Variants in PCSK5 observed in about 807,000 individuals in gnomAD.
PCSK5 encodes prohormone convertase 5.
Under a neutral mutation model 233.2 loss-of-function variants are expected in PCSK5, and 129 were observed. The ratio of observed to expected loss-of-function variants is 0.55; its 90% CI spans 0.48 to 0.64. The LOEUF (loss-of-function observed/expected upper bound fraction) is 0.64, where lower values mean the gene tolerates loss of function less well. Ranked by LOEUF, PCSK5 falls within the 30% of genes least tolerant of loss-of-function variation. PCSK5 has a pLI of 0.00. For missense variants in PCSK5, 2,076 were observed against 2,430.1 expected (o/e 0.85, Z 3.06); for synonymous variants, 825 against 879.2 (o/e 0.94, Z 1.09).
At position 76,214,687 on chromosome 9, in the gene PCSK5, T is replaced by G. The variant is rs568976662; in HGVS notation, c.2627-12816T>G. On this transcript the variant is annotated intron_variant, in intron 20 of 37. Transcript: ENST00000674117. Reference sequence around the variant, plus strand: ...AGTATTTGTGGAGCACTCCGAACAATTCCTAGCATATGGTAATCATGAAAT... The same window carrying G: ...AGTATTTGTGGAGCACTCCGAACAAGTCCTAGCATATGGTAATCATGAAAT... Among the ~76,000 whole-genome samples, 257 of 152,326 alleles carry G rather than the reference T, an allele frequency of 1.7e-3. 2 individuals carry two copies. The highest frequency in any genetic ancestry group is 5.8e-3 in the African/African-American group (241 of 41,580).
At chr9:76,148,468 T>G (rs2131791571) in intron 10 of PCSK5, among the ~76,000 whole-genome samples, 1 of 152,026 alleles carries the variant, frequency 6.6e-6, no homozygotes, top group African/African-American at 2.4e-5. Context: ...TCACCAAAGA[T>G]TTTCAATTCT....
At chr9:76,212,527 G>A (rs1825370522) in intron 20 of PCSK5, among the ~76,000 whole-genome samples, 1 of 152,168 alleles carries the variant, frequency 6.6e-6, no homozygotes, top group African/African-American at 2.4e-5. Context: ...ACAGTGCTAC[G>A]CCAGGAGTTG....
At chr9:75,989,539 A>G (rs1258439157) in intron 3 of PCSK5, among the ~76,000 whole-genome samples, 2 of 152,114 alleles carry the variant, frequency 1.3e-5, no homozygotes, top group Non-Finnish European at 1.5e-5. Flanking sequence ...AGGGTCAGGA[A>G]TTCAGACGGG....
intron 1 of PCSK5, among the ~76,000 whole-genome samples, chr9:75,901,267 T>C (rs1412328183): frequency 6.6e-6 from 1 of 152,144 alleles, no homozygotes; most frequent in Non-Finnish European, 1.5e-5. Context: ...GTGGCACATA[T>C]ACACCATGGA....
intron 20 of PCSK5, among the ~76,000 whole-genome samples, chr9:76,197,281 A>G (rs1824741772): frequency 6.6e-6 from 1 of 152,186 alleles, no homozygotes; most frequent in Non-Finnish European, 1.5e-5. Context: ...CCCCACATCC[A>G]TGGGAGACTG....
intron 5 of PCSK5, among the ~76,000 whole-genome samples, chr9:76,031,130 G>A (rs1828637618): frequency 6.6e-6 from 1 of 152,168 alleles, no homozygotes; most frequent in Admixed American, 6.5e-5. Flanking sequence ...CCAAGAGCAT[G>A]TAGTCAGGCA....
chr9:76,007,841 TA>T (rs1426387814), intron 3 of PCSK5, among the ~76,000 whole-genome samples: 1 of 150,460 alleles, frequency 6.6e-6, no homozygotes, highest in Non-Finnish European at 1.5e-5. Flanking sequence ...TGTGTGTGTG[TA>T]TTTTTTGTAG....
At chr9:76,205,163 T>C (rs1317792461) in intron 20 of PCSK5, 3 of 518,872 alleles carry the variant, frequency 5.8e-6, no homozygotes, top group Non-Finnish European at 1.2e-5. Flanking sequence ...CCAAAATATA[T>C]AAACCTCAGT....
intron 30 of PCSK5, among the ~76,000 whole-genome samples, chr9:76,320,080 G>A (rs972768382): frequency 2.6e-5 from 4 of 151,928 alleles, no homozygotes; most frequent in East Asian, 1.9e-4. Context: ...GGCCACTACC[G>A]GTTTCCGCAT....
chr9:76,170,171 A>G (rs1823271008), intron 13 of PCSK5, among the ~76,000 whole-genome samples: 1 of 152,172 alleles, frequency 6.6e-6, no homozygotes, highest in Admixed American at 6.5e-5. Context: ...CACTGAGTTC[A>G]ATTGCATGAT....
intron 7 of PCSK5, among the ~76,000 whole-genome samples, chr9:76,091,491 G>T (rs1160371799): frequency 6.6e-6 from 1 of 152,140 alleles, no homozygotes; most frequent in African/African-American, 2.4e-5. Flanking sequence ...TAGGGCTTTA[G>T]CATAGGGGAA....
intron 24 of PCSK5, among the ~76,000 whole-genome samples, chr9:76,260,630 G>A (rs553591470): frequency 4.6e-4 from 70 of 152,250 alleles, no homozygotes; most frequent in African/African-American, 1.1e-3. Context: ...GCAAAGAACC[G>A]AATTCTGTCA....
intron 2 of PCSK5, among the ~76,000 whole-genome samples, chr9:75,946,258 T>C (rs922545098): frequency 7.9e-5 from 12 of 152,256 alleles, no homozygotes; most frequent in Non-Finnish European, 1.3e-4. Context: ...ATTTTAAGTA[T>C]AGACATTAGA....
In PCSK5 at chr9:75,923,152, G is replaced by A. The variant is rs552101272; in HGVS notation, c.193-9227G>A. On this transcript the variant is annotated intron_variant, in intron 1 of 37. Transcript: ENST00000674117. ...AAAAAGCATAGATTTTTGGAATCAG[G>A]CTGACCTGGTTTCAAATCCTGGCTT... 3.3e-5 allele frequency among the ~76,000 whole-genome samples: 5 copies of A among 152,264 alleles called. No individual in the cohort carries two copies. The East Asian group carries it at 9.7e-4, about 29-fold the overall frequency.
chr9:76,039,156 A>T (rs773940174), intron 5 of PCSK5, among the ~76,000 whole-genome samples: 1 of 152,198 alleles, frequency 6.6e-6, no homozygotes, highest in Non-Finnish European at 1.5e-5. Context: ...ACATCAGTTC[A>T]TTCCACTTAT....
intron 9 of PCSK5, among the ~76,000 whole-genome samples, chr9:76,130,155 A>C (rs1482110997): frequency 6.6e-6 from 1 of 152,144 alleles, no homozygotes; most frequent in Non-Finnish European, 1.5e-5. Flanking sequence ...TTACCTTTGA[A>C]AGAATGGGTA....
At chr9:76,276,118 T>C (rs768549844) in intron 24 of PCSK5, among the ~76,000 whole-genome samples, 3 of 152,216 alleles carry the variant, frequency 2.0e-5, no homozygotes, top group Non-Finnish European at 2.9e-5. Context: ...ATATTCTCAA[T>C]TTTATTTCTT....
At chr9:76,186,900 T>G (rs1405345711) in intron 17 of PCSK5, among the ~76,000 whole-genome samples, 2 of 152,176 alleles carry the variant, frequency 1.3e-5, no homozygotes, top group South Asian at 4.1e-4. Flanking sequence ...AAGTCCACTT[T>G]CACTTATGCT....
At chr9:76,140,097 T>G (rs1015715365) in intron 10 of PCSK5, among the ~76,000 whole-genome samples, 30 of 152,244 alleles carry the variant, frequency 2.0e-4, no homozygotes, top group Admixed American at 8.5e-4. Flanking sequence ...GTTAGGCTTT[T>G]GGGGGTTTCA....
Sources: allele counts gnomAD v4.1 joint callset (sites outside exome capture counted in the v4.1 genomes callset), GRCh38; gene constraint gnomAD v4.1.1; transcripts MANE v1.5; gene names NCBI Gene and HGNC (gene_info 2026-07-23, HGNC 2026-07-21).